The following ABCG1 variants were observed in gnomAD, a reference collection of about 807,000 sequenced individuals.
The protein encoded by ABCG1 is ATP binding cassette subfamily G member 1, also known as ATP-binding cassette sub-family G member 1.
ABCG1 carries 29 observed loss-of-function variants against 69.2 expected under a neutral mutation model. The ratio of observed to expected loss-of-function variants is 0.42; its 90% CI spans 0.31 to 0.57. The LOEUF (loss-of-function observed/expected upper bound fraction) is 0.57, where lower values mean the gene tolerates loss of function less well. Ranked by LOEUF, ABCG1 falls within the 20% of genes least tolerant of loss-of-function variation. The probability of loss-of-function intolerance (pLI) is 0.15; values close to 1 mark genes in which losing one functional copy is unlikely to be tolerated. For synonymous variants in ABCG1, 370 were observed against 374.8 expected (o/e 0.99, Z 0.15); for missense variants, 718 against 898.1 (o/e 0.80, Z 2.56).
intron 2 of ABCG1, among the ~76,000 whole-genome samples, chr21:42,264,976 G>A (rs1034216942): frequency 6.6e-6 from 1 of 152,184 alleles, no homozygotes; most frequent in African/African-American, 2.4e-5. Context: ...GTGAGTGGGA[G>A]GGTGCCACCT....
At chr21:42,230,011 AACTTTATG>A (rs2067878024) in intron 2 of ABCG1, among the ~76,000 whole-genome samples, 1 of 152,248 alleles carries the variant, frequency 6.6e-6, no homozygotes, top group Non-Finnish European at 1.5e-5. Flanking sequence ...TGACCAGAAT[AACTTTATG>A]AAGTCCTACG....
At chr21:42,226,016 C>CTG in intron 2 of ABCG1, 102 bp downstream of exon 2, 1 of 1,360,618 alleles carries the variant, frequency 7.3e-7, no homozygotes, top group Non-Finnish European at 1.0e-6. Flanking sequence ...AGAGGCTGAG[C>CTG]TTCTCTTCCC....
intron 2 of ABCG1, among the ~76,000 whole-genome samples, chr21:42,252,470 CAGAGAA>C (rs2068237836): frequency 6.6e-6 from 1 of 152,152 alleles, no homozygotes; most frequent in Non-Finnish European, 1.5e-5. Context: ...CCTGAGAGCA[CAGAGAA>C]ACACAAAGCC....
Position 42,291,462 on chromosome 21 carries a change from C to G in ABCG1, c.1495-36C>G. ...GCTGTTGGCCTGCTGTGGTGGGAAGCGGCTGAGCCCGCGGCTGACGGGTCC... is the reference window on the plus strand; with the variant it reads ...GCTGTTGGCCTGCTGTGGTGGGAAGGGGCTGAGCCCGCGGCTGACGGGTCC... On this transcript the variant is annotated intron_variant, in intron 12 of 14. Coordinates refer to ENST00000398449, the MANE Select transcript of ABCG1 (RefSeq NM_016818.3). This position sits in a 1 kb window ranked among gnomAD's most constrained non-coding sequence, Gnocchi z 6.4. 1 of 1,583,962 alleles carries G rather than the reference C, an allele frequency of 6.3e-7. No individual in the cohort carries two copies. The highest frequency in any genetic ancestry group is 8.6e-7 in the Non-Finnish European group (1 of 1,160,132).
intron 5 of ABCG1, among the ~76,000 whole-genome samples, chr21:42,278,467 T>A (rs1414693957): frequency 6.6e-6 from 1 of 152,150 alleles, no homozygotes; most frequent in Non-Finnish European, 1.5e-5. Flanking sequence ...GAAGTTAAAA[T>A]GGGGTCATAT....
intron 2 of ABCG1, among the ~76,000 whole-genome samples, chr21:42,232,194 T>A (rs1265031437): frequency 1.3e-5 from 2 of 152,196 alleles, no homozygotes; most frequent in Non-Finnish European, 2.9e-5. Context: ...TCACAGCAGA[T>A]TCATGAGAGT....
intron 10 of ABCG1, among the ~76,000 whole-genome samples, chr21:42,289,359 A>G (rs1233337487): frequency 6.6e-6 from 1 of 152,154 alleles, no homozygotes; most frequent in African/African-American, 2.4e-5. Flanking sequence ...AGCCCTTAAA[A>G]CTTCCAGTTG....
intron 10 of ABCG1, 100 bp from the exon 11 acceptor site, chr21:42,289,950 G>C: frequency 7.3e-7 from 1 of 1,364,170 alleles, no homozygotes; most frequent in Non-Finnish European, 1.0e-6. Context: ...TGCTGTCACA[G>C]AGTTCAGGGT....
rs769604366 is a variant in ABCG1, at chr21:42,290,038, G to A, written c.1225-12G>A. On this transcript the variant is annotated splice_polypyrimidine_tract_variant and intron_variant, in intron 10 of 14. Transcript: ENST00000398449. ...TGCGAACGCACTGGGTAAGATGCGG[G>A]TCTGTCCCCAGGTCCTGACACACCT... 6.2e-7 allele frequency: 1 copy of A among 1,614,146 alleles called. No individual in the cohort carries two copies. The highest frequency in any genetic ancestry group is 8.5e-7 in the Non-Finnish European group (1 of 1,179,974).
intron 13 of ABCG1, among the ~76,000 whole-genome samples, chr21:42,293,068 TACAC>T (rs773277931): frequency 3.0e-4 from 4 of 13,448 alleles, no homozygotes; most frequent in Admixed American, 8.7e-4. Flanking sequence ...CATACCACAC[TACAC>T]ACACACCACA....
intron 2 of ABCG1, among the ~76,000 whole-genome samples, chr21:42,231,019 C>T (rs1057499674): frequency 5.3e-5 from 8 of 152,184 alleles, no homozygotes; most frequent in African/African-American, 1.2e-4. Flanking sequence ...TGCCTAGCCC[C>T]GTGTTATGAA....
rs543232229 is a variant in ABCG1 at position 42,250,097 on chromosome 21, A to C, written c.287-20973A>C. Among the ~76,000 whole-genome samples, 14 of 151,492 alleles carry C rather than the reference A, an allele frequency of 9.2e-5. No individual in the cohort carries two copies. The South Asian group carries it at 2.9e-3, about 32-fold the overall frequency. ...TGTGTCTTGGGTCACGTGTGAACAC[A>C]TATGGGGGTGCAGGGGGAGGGGGCG... On this transcript the variant is annotated intron_variant, in intron 2 of 14. Coordinates refer to ENST00000398449, the MANE Select transcript of ABCG1 (RefSeq NM_016818.3).
chr21:42,210,221 C>T (rs2067575591), intron 2 of ABCG1, among the ~76,000 whole-genome samples: 1 of 152,276 alleles, frequency 6.6e-6, no homozygotes, highest in Non-Finnish European at 1.5e-5. Flanking sequence ...TGTATCTTTT[C>T]CAGAACATCA....
At chr21:42,271,996 G>T (rs1471057474) in intron 3 of ABCG1, among the ~76,000 whole-genome samples, 1 of 152,222 alleles carries the variant, frequency 6.6e-6, no homozygotes, top group Non-Finnish European at 1.5e-5. Context: ...ATCTTTAGAA[G>T]TGTTTAGAAA....
chr21:42,249,004 C>A (rs1413000907), intron 2 of ABCG1, among the ~76,000 whole-genome samples: 1 of 151,430 alleles, frequency 6.6e-6, no homozygotes, highest in Non-Finnish European at 1.5e-5. Context: ...CAGGCATCAA[C>A]AAGAACAGAT....
chr21:42,259,239 C>A, intron 2 of ABCG1: 1 of 1,454,548 alleles, frequency 6.9e-7, no homozygotes. Flanking sequence ...AGTTCTGGAG[C>A]AGAGTCAGCA....
intron 2 of ABCG1, among the ~76,000 whole-genome samples, chr21:42,252,142 C>T (rs1246371200): frequency 6.6e-6 from 1 of 152,162 alleles, no homozygotes; most frequent in Non-Finnish European, 1.5e-5. Flanking sequence ...TGCCATTGCC[C>T]GGACAAGAAG....
At chr21:42,244,957 T>G (rs2068110012) in intron 2 of ABCG1, among the ~76,000 whole-genome samples, 1 of 152,170 alleles carries the variant, frequency 6.6e-6, no homozygotes, top group Non-Finnish European at 1.5e-5. Context: ...AGGTGAGAAC[T>G]CCATGTGGGA....
In ABCG1 at chr21:42,283,701, C is replaced by T. The variant is rs1290826711; in HGVS notation, c.735-859C>T. 1.9e-3 allele frequency among the ~76,000 whole-genome samples: 190 copies of T among 100,820 alleles called. 4 individuals carry two copies. Among genetic ancestry groups the T allele is most frequent in the African/African-American group, 8.2e-3 (176 of 21,486 alleles). 66.1% of individuals were successfully genotyped at this position (100,820 alleles called of 152,430 possible). A position where few individuals can be genotyped will look rare whatever the true frequency, so the allele number is the denominator to read the frequency against. On this transcript the variant is annotated intron_variant, in intron 6 of 14. Coordinates refer to ENST00000398449, the MANE Select transcript of ABCG1 (RefSeq NM_016818.3). ...AACCCCCACCTCTTTCCCACCTGGACAGTTGTGAAGTACCACCCACCACCC... is the reference window on the plus strand; with the variant it reads ...AACCCCCACCTCTTTCCCACCTGGATAGTTGTGAAGTACCACCCACCACCC...
Sources: gnomAD v4.1 joint callset for allele counts (sites outside exome capture counted in the v4.1 genomes callset) on GRCh38, gnomAD v4.1.1 for gene constraint, Gnocchi (gnomAD v3.1) non-coding constraint, MANE v1.5 for transcripts, NCBI Gene and HGNC (gene_info 2026-07-23, HGNC 2026-07-21) for gene names.